The following SLC22A3 variants were observed in gnomAD, a reference collection of about 807,000 sequenced individuals.
The protein encoded by SLC22A3 is EMT organic cation transporter 3.
SLC22A3 carries 51 observed loss-of-function variants against 59.1 expected under a neutral mutation model. The ratio of observed to expected loss-of-function variants is 0.86; its 90% CI spans 0.69 to 1.09. SLC22A3 has a LOEUF of 1.09. Ranked by LOEUF, SLC22A3 falls within the 50% of genes least tolerant of loss-of-function variation. SLC22A3 has a pLI of 0.00. For missense variants in SLC22A3, 711 were observed against 726.3 expected (o/e 0.98, Z 0.24); for synonymous variants, 325 against 292.0 (o/e 1.11, Z -1.15).
At chr6:160,385,251 C>T (rs1393761780) in intron 1 of SLC22A3, among the ~76,000 whole-genome samples, 1 of 152,202 alleles carries the variant, frequency 6.6e-6, no homozygotes, top group Non-Finnish European at 1.5e-5. Context: ...TGTGCTGAGC[C>T]CTGCTGCCCT....
rs2457570 is a variant in SLC22A3 at position 160,408,486 on chromosome 6, T to C, written c.689-267T>C. ...CACAGATATTCTTCGTATTTCCCTA[T>C]TGTACCCAGAAGAGTGCTGGTCTGG... On this transcript the variant is annotated intron_variant, in intron 3 of 10. Transcript: ENST00000275300. Among the ~76,000 whole-genome samples, 127,976 of 152,194 alleles carry C rather than the reference T, an allele frequency of 0.84. 54,388 individuals are homozygous for C. Among genetic ancestry groups the C allele is most frequent in the East Asian group, 1 (5,162 of 5,170 alleles).
intron 1 of SLC22A3, among the ~76,000 whole-genome samples, chr6:160,350,433 C>A (rs506823): frequency 0.5 from 76,031 of 151,882 alleles, 19,316 homozygotes; most frequent in African/African-American, 0.59. Context: ...TGGTGATGGT[C>A]TGGTTAGAGA....
intron 2 of SLC22A3, among the ~76,000 whole-genome samples, chr6:160,399,871 C>T (rs766762988): frequency 1.2e-4 from 19 of 152,090 alleles, no homozygotes; most frequent in Non-Finnish European, 2.6e-4. Flanking sequence ...GGGCAAACTA[C>T]TACCTTCAGC....
At chr6:160,384,944 C>G in intron 1 of SLC22A3, among the ~76,000 whole-genome samples, 1 of 152,232 alleles carries the variant, frequency 6.6e-6, no homozygotes, top group Middle Eastern at 3.2e-3. Flanking sequence ...GGCTTATGCT[C>G]TCAGGTTCCT....
chr6:160,417,244 G>A (rs1787534885), intron 5 of SLC22A3, among the ~76,000 whole-genome samples: 1 of 152,170 alleles, frequency 6.6e-6, no homozygotes, highest in African/African-American at 2.4e-5. Flanking sequence ...ATTCCTGACA[G>A]CCCTCTTGCT....
intron 1 of SLC22A3, among the ~76,000 whole-genome samples, chr6:160,350,833 G>A (rs1035512666): frequency 1.3e-5 from 2 of 152,164 alleles, no homozygotes; most frequent in African/African-American, 4.8e-5. Context: ...ATGCAGTGTG[G>A]AATGATGGAG....
intron 9 of SLC22A3, 65 bp from the exon 10 acceptor site, chr6:160,447,654 G>T: frequency 7.4e-7 from 1 of 1,350,460 alleles, no homozygotes; most frequent in Non-Finnish European, 1.1e-6. Flanking sequence ...AGAGTGAGCA[G>T]GCCCCATGGG....
intron 5 of SLC22A3, among the ~76,000 whole-genome samples, chr6:160,416,062 C>T (rs151172386): frequency 2.7e-4 from 41 of 152,294 alleles, no homozygotes; most frequent in African/African-American, 9.4e-4. Context: ...AGTTACAGTT[C>T]ACATGGATGT....
At position 160,392,236 on chromosome 6, in the gene SLC22A3, C is replaced by T. The variant is rs1000134991; in HGVS notation, c.430-5743C>T. ...CACGTTTCTGTCTCTGTGGCTGGAC[C>T]TGCTCCTCATCTTGTCTTCAGTGCC... On this transcript the variant is annotated intron_variant, in intron 1 of 10. Transcript: ENST00000275300. Among the ~76,000 whole-genome samples, 20 of 152,196 alleles carry T rather than the reference C, an allele frequency of 1.3e-4. 1 individual carries two copies. The highest frequency in any genetic ancestry group is 1.2e-3 in the Admixed American group (19 of 15,282).
intron 10 of SLC22A3, among the ~76,000 whole-genome samples, chr6:160,448,222 A>G (rs1277646193): frequency 6.6e-6 from 1 of 152,202 alleles, no homozygotes; most frequent in East Asian, 1.9e-4. Context: ...CAGGTTTTCA[A>G]GACTGACTAC....
intron 1 of SLC22A3, among the ~76,000 whole-genome samples, chr6:160,358,763 C>A (rs184324923): frequency 1.9e-3 from 285 of 152,338 alleles, no homozygotes; most frequent in African/African-American, 6.3e-3. Flanking sequence ...GTGCCCAAGT[C>A]CTCCCCTTGC....
chr6:160,417,819 C>A (rs1338754503), intron 5 of SLC22A3, among the ~76,000 whole-genome samples: 1 of 152,138 alleles, frequency 6.6e-6, no homozygotes, highest in Non-Finnish European at 1.5e-5. Context: ...TCAGCCATCA[C>A]CATGAAGAGA....
chr6:160,368,520 C>A (rs1018031853), intron 1 of SLC22A3, among the ~76,000 whole-genome samples: 1 of 152,196 alleles, frequency 6.6e-6, no homozygotes, highest in Non-Finnish European at 1.5e-5. Context: ...CTATTTAAAG[C>A]AGTGTCCCTT....
chr6:160,372,637 A>AGCTGGCTCTG (rs1375896970), intron 1 of SLC22A3, among the ~76,000 whole-genome samples: 98 of 152,316 alleles, frequency 6.4e-4, no homozygotes, highest in Non-Finnish European at 1.0e-3. Flanking sequence ...TACACCAATC[A>AGCTGGCTCTG]AACGTAGGTT....
chr6:160,426,140 A>C, intron 5 of SLC22A3: 2 of 985,450 alleles, frequency 2.0e-6, no homozygotes, highest in Non-Finnish European at 2.4e-6. Flanking sequence ...AGGTGCATCT[A>C]AACTGATCTT....
intron 7 of SLC22A3, among the ~76,000 whole-genome samples, chr6:160,441,200 CTGGGA>C (rs1349450099): frequency 6.6e-6 from 1 of 152,138 alleles, no homozygotes; most frequent in East Asian, 1.9e-4. Flanking sequence ...TCCCATCGGG[CTGGGA>C]CCCAGGGAAT....
chr6:160,446,004 A>G (rs1018577099), intron 9 of SLC22A3, among the ~76,000 whole-genome samples: 6 of 152,214 alleles, frequency 3.9e-5, no homozygotes, highest in African/African-American at 1.4e-4. Flanking sequence ...GCCCCCCAGA[A>G]AATCAGGACA....
Position 160,408,853 on chromosome 6 carries a change from C to T in SLC22A3, c.789C>T (p.Phe263=). 6.2e-7 allele frequency: 1 copy of T among 1,613,816 alleles called. No homozygotes were observed. Among genetic ancestry groups the T allele is most frequent in the Admixed American group, 1.7e-5 (1 of 59,950 alleles). Residue 263 remains phenylalanine (F), a synonymous_variant, in exon 4 of 11, where the codon TTC becomes TTT. Transcript: ENST00000275300. The part of the protein sequence containing the change: ...GIIILPGIAY[F]IPNWQGIQLA... ...TAATTCTCCCTGGAATTGCCTACTT[C>T]ATCCCCAACTGGCAAGGAATCCAGT...
intron 1 of SLC22A3, among the ~76,000 whole-genome samples, chr6:160,394,754 G>T (rs1318255406): frequency 2.0e-5 from 3 of 152,184 alleles, no homozygotes; most frequent in Non-Finnish European, 4.4e-5. Context: ...GAGGACAGGG[G>T]TCAGGAAGGA....
Sources: allele counts gnomAD v4.1 joint callset (sites outside exome capture counted in the v4.1 genomes callset), GRCh38; gene constraint gnomAD v4.1.1; transcripts MANE v1.5; gene names NCBI Gene and HGNC (gene_info 2026-07-23, HGNC 2026-07-21).